The following DMD variants were observed in gnomAD, a reference collection of about 807,000 sequenced individuals.
DMD encodes the protein mutant dystrophin.
In DMD, 63 loss-of-function variants were observed where a neutral mutation model predicts 330.1. The observed-to-expected ratio is 0.19, with a 90% confidence interval of 0.16 to 0.24. The LOEUF (loss-of-function observed/expected upper bound fraction) is 0.24. Ranked by LOEUF, DMD falls within the 10% of genes least tolerant of loss-of-function variation. The probability of loss-of-function intolerance (pLI) is 1.00; values close to 1 mark genes in which losing one functional copy is unlikely to be tolerated. For synonymous variants in DMD, 1,223 were observed against 959.8 expected (o/e 1.27, Z -5.07); for missense variants, 3,344 against 2,684.1 (o/e 1.25, Z -5.43).
intron 60 of DMD, among the ~76,000 whole-genome samples, chrX:31,433,349 C>T: frequency 9.0e-6 from 1 of 111,584 alleles, no homozygotes; most frequent in Middle Eastern, 4.6e-3. Context: ...AATAGTGCTG[C>T]AATGAACATA....
intron 45 of DMD, among the ~76,000 whole-genome samples, chrX:31,938,018 G>T (rs1488964786): frequency 9.0e-6 from 1 of 111,624 alleles, no homozygotes; most frequent in African/African-American, 3.2e-5. Context: ...ACGATGGTGA[G>T]AGATTTGCAT....
intron 19 of DMD, among the ~76,000 whole-genome samples, chrX:32,494,979 T>A (rs2043346581): frequency 9.0e-6 from 1 of 111,158 alleles, no homozygotes; most frequent in African/African-American, 3.3e-5. Flanking sequence ...TGTCACCAAC[T>A]AAAATAAAAA....
chrX:32,904,683 C>G (rs1199501082), intron 2 of DMD, among the ~76,000 whole-genome samples: 1 of 112,199 alleles, frequency 8.9e-6, no homozygotes, highest in Non-Finnish European at 1.9e-5. Flanking sequence ...AAGCAATTCT[C>G]CTGCCTCAGC....
At position 32,206,718 on chromosome X, in the gene DMD, C is replaced by T. The variant is rs1167027290; in HGVS notation, c.6438+10198G>A. The T allele has an allele frequency of 8.3e-6, 4 of 482,162 alleles. No individual in the cohort carries two copies. The Admixed American group carries it at 9.6e-5, about 12-fold the overall frequency. 39.7% of individuals were successfully genotyped at this position (482,162 alleles called of 1,213,427 possible). On this transcript the variant is annotated intron_variant, in intron 44 of 78. Transcript: ENST00000357033. ...ACCAGAGGCTATTCAAGATCTCTGGCAGTGGAGGAAGTCTCTCTAAGAAAA... is the reference window on the plus strand; with the variant it reads ...ACCAGAGGCTATTCAAGATCTCTGGTAGTGGAGGAAGTCTCTCTAAGAAAA...
chrX:32,772,804 C>CT (rs1173018767), intron 7 of DMD, among the ~76,000 whole-genome samples: 1 of 111,732 alleles, frequency 8.9e-6, no homozygotes, highest in African/African-American at 3.3e-5. Context: ...GCAAGAGTCC[C>CT]TTATGCCAAG....
chrX:32,153,238 A>G (rs1215833155), intron 44 of DMD, among the ~76,000 whole-genome samples: 4 of 112,101 alleles, frequency 3.6e-5, no homozygotes, highest in African/African-American at 1.3e-4. Flanking sequence ...TACACAGACA[A>G]TATCTCTGGA....
At chrX:31,605,477 A>T (rs769267768) in intron 55 of DMD, among the ~76,000 whole-genome samples, 4 of 111,223 alleles carry the variant, frequency 3.6e-5, no homozygotes, top group Admixed American at 9.6e-5. Flanking sequence ...ATCAATTGTT[A>T]AAAAAAACCT....
intron 9 of DMD, among the ~76,000 whole-genome samples, chrX:32,648,208 A>T (rs1289395742): frequency 8.9e-6 from 1 of 112,135 alleles, no homozygotes; most frequent in Non-Finnish European, 1.9e-5. Context: ...TTGTCTGAGG[A>T]TGTGCATAAA....
chrX:32,799,175 A>G (rs59750070), intron 7 of DMD, among the ~76,000 whole-genome samples: 10,663 of 111,134 alleles, frequency 0.096, 1,186 homozygotes, highest in African/African-American at 0.32. Context: ...TTGGAAAAGA[A>G]GGCTATAAAA....
At chrX:32,867,358 G>C (rs1274706095) in intron 2 of DMD, among the ~76,000 whole-genome samples, 1 of 111,513 alleles carries the variant, frequency 9.0e-6, no homozygotes, top group Non-Finnish European at 1.9e-5. Context: ...GTCACCTTTA[G>C]TTAGTGTTTC....
chrX:32,094,494 G>A (rs1484260824), intron 44 of DMD, among the ~76,000 whole-genome samples: 1 of 111,354 alleles, frequency 9.0e-6, no homozygotes, highest in Non-Finnish European at 1.9e-5. Context: ...TTATTTTTGT[G>A]AGATATCTCA....
At chrX:31,495,927 A>T (rs1248344432) in intron 57 of DMD, among the ~76,000 whole-genome samples, 1 of 112,317 alleles carries the variant, frequency 8.9e-6, no homozygotes, top group African/African-American at 3.2e-5. Flanking sequence ...GCACTGTTCA[A>T]TCGGTAGCTA....
intron 44 of DMD, among the ~76,000 whole-genome samples, chrX:32,011,345 A>G (rs945674666): frequency 3.6e-5 from 4 of 111,281 alleles, no homozygotes; most frequent in Admixed American, 1.9e-4. Context: ...GAGAAAAACT[A>G]TATTATTCCT....
chrX:31,863,301 C>T (rs1434222764), intron 48 of DMD, among the ~76,000 whole-genome samples: 2 of 112,369 alleles, frequency 1.8e-5, no homozygotes, highest in Non-Finnish European at 3.8e-5. Flanking sequence ...TGAGATCACG[C>T]CACTGCACTC....
intron 44 of DMD, among the ~76,000 whole-genome samples, chrX:32,044,692 G>T (rs1343490555): frequency 9.0e-6 from 1 of 111,527 alleles, no homozygotes; most frequent in Non-Finnish European, 1.9e-5. Flanking sequence ...AAAGTGCTGG[G>T]ATTACAGGCG....
chrX:32,205,032 C>CACACACAT (rs2097060504), intron 44 of DMD, among the ~76,000 whole-genome samples: 1 of 87,281 alleles, frequency 1.1e-5, no homozygotes, highest in African/African-American at 4.2e-5. Flanking sequence ...CACACACACA[C>CACACACAT]ACACACACAC....
chrX:32,209,479 C>T (rs967701534), intron 44 of DMD, among the ~76,000 whole-genome samples: 6 of 111,273 alleles, frequency 5.4e-5, no homozygotes, highest in East Asian at 2.8e-4. Flanking sequence ...AAAGAAAACA[C>T]GAAGATCAAT....
At chrX:32,197,000 A>AAAAAAAAAAC (rs1557206020) in intron 44 of DMD, among the ~76,000 whole-genome samples, 15 of 93,868 alleles carry the variant, frequency 1.6e-4, no homozygotes, top group African/African-American at 3.6e-4. Context: ...AAAAAAAAAA[A>AAAAAAAAAAC]AAAAACAAAA....
chrX:33,101,741 C>A (rs960990214), intron 1 of DMD, among the ~76,000 whole-genome samples: 9 of 112,539 alleles, frequency 8.0e-5, no homozygotes, highest in African/African-American at 2.6e-4. Flanking sequence ...CCTGATAGTG[C>A]ATAATTAATA....
Sources: allele counts gnomAD v4.1 joint callset (sites outside exome capture counted in the v4.1 genomes callset), GRCh38; gene constraint gnomAD v4.1.1; transcripts MANE v1.5; gene names NCBI Gene and HGNC (gene_info 2026-07-23, HGNC 2026-07-21).